Variants in ABCA12 observed in about 807,000 individuals in gnomAD.
The protein encoded by ABCA12 is glucosylceramide transporter ABCA12.
In ABCA12, 156 loss-of-function variants were observed where a neutral mutation model predicts 293.5. That is an observed-to-expected ratio of 0.53 (90% CI 0.47 to 0.61). The LOEUF (loss-of-function observed/expected upper bound fraction) is 0.61, where lower values mean the gene tolerates loss of function less well. Ranked by LOEUF, ABCA12 falls within the 20% of genes least tolerant of loss-of-function variation. ABCA12 has a pLI of 0.00. For missense variants in ABCA12, 2,797 were observed against 3,090.2 expected, an observed-to-expected ratio of 0.91 and a Z score of 2.25; for synonymous variants, 1,063 against 1,108.0, an observed-to-expected ratio of 0.96 and a Z score of 0.81.
In ABCA12 at chr2:214,983,728, G is replaced by A; in HGVS notation, c.4301C>T (p.Thr1434Ile). The A allele has an allele frequency of 1.2e-6, 2 of 1,614,096 alleles. No homozygotes were observed. The highest frequency in any genetic ancestry group is 1.7e-6 in the Non-Finnish European group (2 of 1,180,002). The change falls in exon 29 of 53, where the codon ACT becomes ATT. Residue 1434 changes from threonine to isoleucine, a missense_variant. By Grantham distance (89) the Thr-to-Ile change is moderately conservative (BLOSUM62 -1). This residue lies in a region of ABCA12 where 2,130 missense variants were observed against 2,427.0 expected (regional missense o/e 0.88). Transcript: ENST00000272895. Reference sequence around the variant, plus strand: ...ATATAGGAGAAGGTGCTCCTTAGTAGTGAGGTAACTGAACAAGACGTCGTG... The same window carrying A: ...ATATAGGAGAAGGTGCTCCTTAGTAATGAGGTAACTGAACAAGACGTCGTG... Reference protein sequence around the residue: ...MQHDVLFSYLTTKEHLLLYGS... With the variant: ...MQHDVLFSYLITKEHLLLYGS...
chr2:215,086,221 C>T (rs1203171406), intron 2 of ABCA12, among the ~76,000 whole-genome samples: 1 of 152,204 alleles, frequency 6.6e-6, no homozygotes, highest in African/African-American at 2.4e-5. Context: ...GTACATTAGT[C>T]AATTTTAACC....
At chr2:215,006,557 T>C (rs1700256038) in intron 19 of ABCA12, among the ~76,000 whole-genome samples, 1 of 152,202 alleles carries the variant, frequency 6.6e-6, no homozygotes, top group South Asian at 2.1e-4. Flanking sequence ...TAAAAGCACC[T>C]TTGGAGTATA....
intron 18 of ABCA12, among the ~76,000 whole-genome samples, chr2:215,009,292 G>T (rs2105999063): frequency 6.6e-6 from 1 of 152,128 alleles, no homozygotes; most frequent in Middle Eastern, 3.4e-3. Flanking sequence ...CATGGACATA[G>T]AGAGGGGAAC....
rs137990358 is a variant in ABCA12, at chr2:215,048,130, C to A, written c.693+1496G>T. 3.5e-3 allele frequency among the ~76,000 whole-genome samples: 529 copies of A among 152,182 alleles called. 4 individuals are homozygous for A. The highest frequency in any genetic ancestry group is 0.012 in the African/African-American group (493 of 41,532). On this transcript the variant is annotated intron_variant, in intron 6 of 52. Transcript: ENST00000272895. ...AAAACCACAATGAGATGCCATCTCA[C>A]ACCAGTCAGAATGGCTATTAAAAAG...
intron 3 of ABCA12, among the ~76,000 whole-genome samples, chr2:215,059,549 G>A (rs1701487501): frequency 6.6e-6 from 1 of 151,960 alleles, no homozygotes; most frequent in African/African-American, 2.4e-5. Context: ...ATATGTTACT[G>A]TGTCTTAGGG....
At chr2:215,124,512 G>A (rs887712203) in intron 1 of ABCA12, among the ~76,000 whole-genome samples, 11 of 152,102 alleles carry the variant, frequency 7.2e-5, no homozygotes, top group African/African-American at 1.9e-4. Context: ...GGAGTGAAGC[G>A]GTATCACATT....
chr2:215,041,698 G>A (rs1270580750), intron 7 of ABCA12, among the ~76,000 whole-genome samples: 1 of 152,060 alleles, frequency 6.6e-6, no homozygotes, highest in Non-Finnish European at 1.5e-5. Flanking sequence ...GAATAATGAA[G>A]AGATAGTAGT....
At chr2:214,957,590 A>G (rs1156688154) in intron 41 of ABCA12, among the ~76,000 whole-genome samples, 1 of 152,150 alleles carries the variant, frequency 6.6e-6, no homozygotes, top group Non-Finnish European at 1.5e-5. Flanking sequence ...GCAGTTAATT[A>G]CTCTCCAACC....
chr2:215,054,801 A>T (rs1337401501), intron 3 of ABCA12, 137 bp from the exon 4 acceptor site: 10 of 670,692 alleles, frequency 1.5e-5, no homozygotes, highest in Non-Finnish European at 2.4e-5. Context: ...TAATGGAAGA[A>T]TTCACCTAAC....
chr2:214,943,222 T>C (rs1368417087), intron 49 of ABCA12, among the ~76,000 whole-genome samples: 1 of 152,116 alleles, frequency 6.6e-6, no homozygotes, highest in Non-Finnish European at 1.5e-5. Flanking sequence ...ACTGTAGCCT[T>C]GACCTCCTTT....
intron 19 of ABCA12, among the ~76,000 whole-genome samples, chr2:215,006,408 G>A: frequency 6.6e-6 from 1 of 152,116 alleles, no homozygotes; most frequent in East Asian, 1.9e-4. Flanking sequence ...ATAGGAAATT[G>A]TGGGGAAGAC....
intron 48 of ABCA12, among the ~76,000 whole-genome samples, chr2:214,945,658 G>A (rs376906509): frequency 4.6e-5 from 7 of 152,290 alleles, no homozygotes; most frequent in Admixed American, 1.3e-4. Context: ...CAAAGTAAAT[G>A]ATGTTATGAA....
At chr2:215,134,485 C>T (rs1026839228) in intron 1 of ABCA12, among the ~76,000 whole-genome samples, 20 of 135,104 alleles carry the variant, frequency 1.5e-4, no homozygotes, top group Non-Finnish European at 2.7e-4. Flanking sequence ...TGTATATATA[C>T]GTATATATGC....
chr2:214,995,137 T>C (rs1384140824), intron 23 of ABCA12, among the ~76,000 whole-genome samples: 1 of 152,186 alleles, frequency 6.6e-6, no homozygotes, highest in Admixed American at 6.5e-5. Flanking sequence ...TTGTGCTAAT[T>C]TATTTAACAA....
chr2:214,963,923 CA>C (rs71041974), intron 39 of ABCA12, among the ~76,000 whole-genome samples: 94 of 59,884 alleles, frequency 1.6e-3, no homozygotes, highest in African/African-American at 2.7e-3. Context: ...GACTCTGCCT[CA>C]AAAAAAAAAA....
At chr2:214,951,621 G>T (rs1297053538) in intron 44 of ABCA12, among the ~76,000 whole-genome samples, 1 of 152,120 alleles carries the variant, frequency 6.6e-6, no homozygotes, top group Non-Finnish European at 1.5e-5. Context: ...TCCAGGCATG[G>T]TGGTGCACAC....
At chr2:214,941,175 A>G (rs1370446381) in intron 50 of ABCA12, among the ~76,000 whole-genome samples, 1 of 152,026 alleles carries the variant, frequency 6.6e-6, no homozygotes, top group Admixed American at 6.6e-5. Flanking sequence ...CTGTGTTCTC[A>G]TTGGTTTCAA....
In ABCA12 at chr2:214,973,703, G is replaced by A. The variant is rs150317431; in HGVS notation, c.5562+246C>T. ...AAATTGAGACCAAAAATTCATTTTC[G>A]GTTGGTTTCCACAAAGACCATCATA... On this transcript the variant is annotated intron_variant, in intron 36 of 52. Transcript: ENST00000272895. 4.1e-3 allele frequency among the ~76,000 whole-genome samples: 629 copies of A among 152,138 alleles called. 6 individuals are homozygous for A. The highest frequency in any genetic ancestry group is 0.014 in the African/African-American group (590 of 41,518).
chr2:214,981,968 TATTATTATTATTA>T (rs1699673302), intron 30 of ABCA12, among the ~76,000 whole-genome samples: 1 of 124,524 alleles, frequency 8.0e-6, no homozygotes, highest in African/African-American at 3.4e-5. Context: ...TTATTATTAT[TATTATTATTATTA>T]TTATTTTATT....
Sources: allele counts gnomAD v4.1 joint callset (sites outside exome capture counted in the v4.1 genomes callset), GRCh38; gene constraint gnomAD v4.1.1; regional missense constraint gnomAD v4.1.1; transcripts MANE v1.5; gene names NCBI Gene and HGNC (gene_info 2026-07-23, HGNC 2026-07-21).